GSE1: variants seen among roughly 807,000 people sequenced by gnomAD.
The protein encoded by GSE1 is genetic suppressor element 1.
A neutral mutation model predicts 112.6 loss-of-function variants in GSE1; 32 were observed. That is an observed-to-expected ratio of 0.28 (90% CI 0.21 to 0.38). GSE1 has a LOEUF of 0.38. Ranked by LOEUF, GSE1 falls within the 10% of genes least tolerant of loss-of-function variation. GSE1 has a pLI of 1.00. For missense variants in GSE1, 2,348 were observed against 1,699.2 expected, an observed-to-expected ratio of 1.38 and a Z score of -6.71; for synonymous variants, 1,115 against 735.6, an observed-to-expected ratio of 1.52 and a Z score of -8.35.
intron 2 of GSE1, among the ~76,000 whole-genome samples, chr16:85,450,505 A>C (rs943706069): frequency 1.3e-5 from 2 of 151,038 alleles, no homozygotes; most frequent in African/African-American, 4.9e-5. Flanking sequence ...GCTGGAGTGC[A>C]GTGGCCTGAT....
intron 2 of GSE1, among the ~76,000 whole-genome samples, chr16:85,508,384 G>A (rs2151926748): frequency 6.6e-6 from 1 of 152,322 alleles, no homozygotes; most frequent in Middle Eastern, 3.4e-3. Flanking sequence ...ACATACGCAG[G>A]TAGCTTCTAC....
chr16:85,443,778 G>A (rs1021282845), intron 2 of GSE1, among the ~76,000 whole-genome samples: 3 of 152,130 alleles, frequency 2.0e-5, no homozygotes, highest in Admixed American at 1.3e-4. Context: ...ATAGCCCAGC[G>A]GGGAAAGTGC....
intron 2 of GSE1, among the ~76,000 whole-genome samples, chr16:85,388,207 G>T (rs946300600): frequency 1.4e-5 from 2 of 140,046 alleles, no homozygotes; most frequent in Non-Finnish European, 3.1e-5. Context: ...TGGATGGAGG[G>T]ATGGATGGTT....
At chr16:85,331,373 G>GTA (rs376286455) in intron 1 of GSE1, among the ~76,000 whole-genome samples, 1,802 of 84,178 alleles carry the variant, frequency 0.021, 199 homozygotes, top group East Asian at 0.06. Flanking sequence ...GTGTATATAT[G>GTA]TATATATATG....
At chr16:85,250,570 G>A (rs1008693978) in intron 1 of GSE1, among the ~76,000 whole-genome samples, 1 of 152,192 alleles carries the variant, frequency 6.6e-6, no homozygotes, top group Non-Finnish European at 1.5e-5. Context: ...ATGTGTTCAT[G>A]CCTTTTCATT....
At chr16:85,627,882 C>T (rs908577043) in intron 1 of GSE1, among the ~76,000 whole-genome samples, 2 of 152,226 alleles carry the variant, frequency 1.3e-5, no homozygotes, top group African/African-American at 4.8e-5. Context: ...ATCCCTGTGT[C>T]CCCCACGGAC....
chr16:85,234,658 A>G (rs1298613569), intron 1 of GSE1, among the ~76,000 whole-genome samples: 1 of 152,210 alleles, frequency 6.6e-6, no homozygotes, highest in Admixed American at 6.5e-5. Context: ...CAGGAGGCCC[A>G]GGAGGGCAGA....
At chr16:85,265,396 C>T (rs1356076961) in intron 1 of GSE1, among the ~76,000 whole-genome samples, 1 of 152,164 alleles carries the variant, frequency 6.6e-6, no homozygotes, top group Non-Finnish European at 1.5e-5. Context: ...AGTTGCTGTC[C>T]TCCCCCTGTT....
upstream of GSE1, among the ~76,000 whole-genome samples, chr16:85,609,000 G>A (rs1403566175): frequency 6.6e-6 from 1 of 152,214 alleles, no homozygotes; most frequent in African/African-American, 2.4e-5. Flanking sequence ...GAAAGAACGT[G>A]TCCGGGATCC....
upstream of GSE1, among the ~76,000 whole-genome samples, chr16:85,609,808 C>CCA (rs2047886470): frequency 1.3e-5 from 2 of 152,166 alleles, no homozygotes; most frequent in South Asian, 4.1e-4. Flanking sequence ...GCACACGCCA[C>CCA]CATGCAGGGC....
intron 1 of GSE1, among the ~76,000 whole-genome samples, chr16:85,588,078 GC>G (rs1316089132): frequency 6.6e-6 from 1 of 152,186 alleles, no homozygotes; most frequent in Non-Finnish European, 1.5e-5. Context: ...GGGATTCACT[GC>G]TGCACCCACC....
chr16:85,528,965 C>A (rs969767654), intron 2 of GSE1, among the ~76,000 whole-genome samples: 3 of 152,142 alleles, frequency 2.0e-5, no homozygotes, highest in Non-Finnish European at 2.9e-5. Flanking sequence ...ATTGTAAGAA[C>A]TTGGCCTTTA....
intron 1 of GSE1, among the ~76,000 whole-genome samples, chr16:85,629,500 T>A (rs1358508238): frequency 1.3e-5 from 2 of 152,218 alleles, no homozygotes; most frequent in African/African-American, 4.8e-5. Context: ...GATCGGCCCC[T>A]CCTGCGGCCC....
At chr16:85,246,765 G>C (rs1047146816) in intron 1 of GSE1, among the ~76,000 whole-genome samples, 1 of 151,974 alleles carries the variant, frequency 6.6e-6, no homozygotes, top group African/African-American at 2.4e-5. Flanking sequence ...GCAATGAAAT[G>C]GGCACCCTCT....
At chr16:85,626,441 A>G (rs1049589368) in intron 1 of GSE1, among the ~76,000 whole-genome samples, 1 of 151,560 alleles carries the variant, frequency 6.6e-6, no homozygotes, top group Non-Finnish European at 1.5e-5. Context: ...GGGGGCGGGC[A>G]CCAGTCCCCG....
Position 85,656,659 on chromosome 16 carries a change from C to G in GSE1, c.1306C>G (p.Arg436Gly), listed in dbSNP as rs944334756. 12 of 1,514,684 alleles carry G rather than the reference C, an allele frequency of 7.9e-6. No individual in the cohort carries two copies. The highest frequency in any genetic ancestry group is 1.4e-5 in the African/African-American group (1 of 72,268). 93.8% of individuals were successfully genotyped at this position (1,514,684 alleles called of 1,614,324 possible). ...GKPSEQLTPTRAEKLKDAGLQ... is the reference protein window; with the variant it reads ...GKPSEQLTPTGAEKLKDAGLQ... ...GCCCTCGGAGCAGCTGACCCCAACC[C>G]GAGCAGGTACCTGGGCGTGGGTGGG... Residue 436 changes from arginine to glycine, a missense_variant, in exon 7 of 16, where the codon CGA (arginine) becomes GGA (glycine). Arg to Gly is a moderately radical substitution (Grantham distance 125). Transcript: ENST00000253458.
intron 2 of GSE1, among the ~76,000 whole-genome samples, chr16:85,495,198 G>T (rs887002618): frequency 6.6e-6 from 1 of 152,210 alleles, no homozygotes; most frequent in African/African-American, 2.4e-5. Flanking sequence ...GAAAGCCAAG[G>T]TTGGGGTCCC....
upstream of GSE1, among the ~76,000 whole-genome samples, chr16:85,607,513 C>G (rs1426063714): frequency 6.6e-6 from 1 of 152,184 alleles, no homozygotes; most frequent in Non-Finnish European, 1.5e-5. Flanking sequence ...CGGATTGGAA[C>G]CAGGCGCTGA....
chr16:85,525,141 G>T (rs1004343290), intron 2 of GSE1, among the ~76,000 whole-genome samples: 2 of 152,036 alleles, frequency 1.3e-5, no homozygotes, highest in Non-Finnish European at 2.9e-5. Context: ...GAGGGCAGTG[G>T]GCCAGGGGGT....
Sources: gnomAD v4.1 joint callset for allele counts (sites outside exome capture counted in the v4.1 genomes callset) on GRCh38, gnomAD v4.1.1 for gene constraint, MANE v1.5 for transcripts, NCBI Gene and HGNC (gene_info 2026-07-23, HGNC 2026-07-21) for gene names.